The following MYH11 variants were observed in gnomAD, a reference collection of about 807,000 sequenced individuals.
MYH11 encodes the protein myosin heavy chain 11.
Under a neutral mutation model 246.6 loss-of-function variants are expected in MYH11, and 80 were observed. The ratio of observed to expected loss-of-function variants is 0.32; its 90% CI spans 0.27 to 0.39. MYH11 has a LOEUF of 0.39. Among genes scored for constraint, MYH11 ranks in the 10% least tolerant of loss-of-function variants. The pLI is 1.00. For missense variants in MYH11, 2,158 were observed against 2,546.8 expected (o/e 0.85, Z 3.29); for synonymous variants, 1,071 against 1,015.5 (o/e 1.05, Z -1.04).
At chr16:15,802,031 C>T (rs1439865151) in intron 3 of MYH11, among the ~76,000 whole-genome samples, 1 of 152,136 alleles carries the variant, frequency 6.6e-6, no homozygotes, top group Non-Finnish European at 1.5e-5. Context: ...AGGAGGAAGA[C>T]CTACTTTCAC....
At chr16:15,765,686 C>T (rs2041966505) in intron 9 of MYH11, among the ~76,000 whole-genome samples, 1 of 152,172 alleles carries the variant, frequency 6.6e-6, no homozygotes, top group Admixed American at 6.5e-5. Flanking sequence ...CATGGGGTCC[C>T]TGGCCCAGCT....
chr16:15,775,759 C>A, intron 8 of MYH11: 1 of 357,664 alleles, frequency 2.8e-6, no homozygotes, highest in Non-Finnish European at 5.1e-6. Context: ...GTCTTTCTCC[C>A]TTTCCTTGAA....
chr16:15,823,487 C>G, intron 2 of MYH11, 76 bp from the exon 3 acceptor site: 1 of 1,574,354 alleles, frequency 6.4e-7, no homozygotes, highest in Non-Finnish European at 8.7e-7. Context: ...TCAATATTCT[C>G]ATGTTAGAGA....
intron 3 of MYH11, among the ~76,000 whole-genome samples, chr16:15,808,352 G>C (rs1230393211): frequency 1.3e-5 from 2 of 152,152 alleles, no homozygotes; most frequent in Non-Finnish European, 2.9e-5. Flanking sequence ...TCATCCTCAC[G>C]GGACAAGTGA....
At position 15,715,159 on chromosome 16, in the gene MYH11, G is replaced by A; in HGVS notation, c.5613+5C>T. On this transcript the variant is annotated splice_donor_5th_base_variant and intron_variant, in intron 39 of 40. Coordinates refer to ENST00000300036, the MANE Select transcript of MYH11 (RefSeq NM_002474.3). ...GCTCGAGGGAGGCTGGGTGGCAGGG[G>A]CTACCTGCTCCTTGTACTGCTCGGC... The A allele has an allele frequency of 6.2e-7, 1 of 1,613,304 alleles. No individual in the cohort carries two copies. The highest frequency in any genetic ancestry group is 8.5e-7 in the Non-Finnish European group (1 of 1,179,980).
intron 37 of MYH11, 83 bp downstream of exon 37, chr16:15,718,232 G>T: frequency 1.3e-6 from 2 of 1,596,092 alleles, no homozygotes; most frequent in Non-Finnish European, 1.7e-6. Context: ...ACAGGAAGCC[G>T]CCACGCGTGT....
intron 37 of MYH11, 60 bp downstream of exon 37, chr16:15,718,255 A>G (rs773307402): frequency 8.7e-6 from 14 of 1,602,976 alleles, no homozygotes; most frequent in Middle Eastern, 3.4e-4. Context: ...TGACTGGTGC[A>G]GGATCCTGCT....
chr16:15,741,897 C>A lies in MYH11; in HGVS notation c.2521-6G>T. ...ACCTGCAGCAGTGGCTTCACCTGCA[C>A]ACACACGGTTAGCCCATCATTTGTT... is the stretch of plus-strand genomic sequence containing the variant. On this transcript the variant is annotated splice_region_variant and splice_polypyrimidine_tract_variant and intron_variant, in intron 20 of 40. Coordinates refer to ENST00000300036, the MANE Select transcript of MYH11 (RefSeq NM_002474.3). 1 of 1,614,198 alleles carries A rather than the reference C, an allele frequency of 6.2e-7. No individual in the cohort carries two copies. The highest frequency in any genetic ancestry group is 8.5e-7 in the Non-Finnish European group (1 of 1,180,032).
At chr16:15,848,730 G>T (rs1345856301) in intron 1 of MYH11, among the ~76,000 whole-genome samples, 1 of 152,188 alleles carries the variant, frequency 6.6e-6, no homozygotes, top group Non-Finnish European at 1.5e-5. Context: ...ACTGCTTCCA[G>T]TTGAGAACCA....
chr16:15,739,105 T>C (rs75590906), intron 23 of MYH11, among the ~76,000 whole-genome samples: 7 of 132,846 alleles, frequency 5.3e-5, no homozygotes, highest in African/African-American at 2.2e-4. Flanking sequence ...TGCTGTATTC[T>C]TTTTTTTTTT....
chr16:15,848,294 G>A (rs1427334853), intron 1 of MYH11, among the ~76,000 whole-genome samples: 3 of 139,372 alleles, frequency 2.2e-5, no homozygotes, highest in African/African-American at 8.0e-5. Context: ...GTGCAGTGAC[G>A]CAATCTCAGC....
At chr16:15,709,371 C>T (rs1193679933) in intron 40 of MYH11, among the ~76,000 whole-genome samples, 1 of 151,236 alleles carries the variant, frequency 6.6e-6, no homozygotes, top group Non-Finnish European at 1.5e-5. Flanking sequence ...AGTGCACTGG[C>T]ATGATCTATC....
intron 1 of MYH11, among the ~76,000 whole-genome samples, chr16:15,843,801 C>T (rs571094952): frequency 6.6e-6 from 1 of 152,178 alleles, no homozygotes; most frequent in East Asian, 1.9e-4. Flanking sequence ...GCTCACATTT[C>T]CTGGTGCATT....
chr16:15,825,528 G>A (rs984630092), intron 2 of MYH11, among the ~76,000 whole-genome samples: 1 of 152,030 alleles, frequency 6.6e-6, no homozygotes, highest in Non-Finnish European at 1.5e-5. Flanking sequence ...TTGCACTCTA[G>A]CCCCTGGGTG....
intron 19 of MYH11, among the ~76,000 whole-genome samples, chr16:15,745,571 TTTC>T (rs2041394668): frequency 7.0e-6 from 1 of 141,860 alleles, no homozygotes; most frequent in African/African-American, 2.7e-5. Flanking sequence ...CTGTTTCTTT[TTTC>T]TTTCTTTCTT....
chr16:15,765,597 G>C (rs569238761), intron 9 of MYH11, among the ~76,000 whole-genome samples: 7 of 152,284 alleles, frequency 4.6e-5, no homozygotes, highest in African/African-American at 1.7e-4. Flanking sequence ...CAGGAACAAA[G>C]CCTAGAGATC....
intron 40 of MYH11, 103 bp from the exon 41 acceptor site, chr16:15,704,226 A>T: frequency 2.1e-6 from 3 of 1,422,178 alleles, no homozygotes; most frequent in Non-Finnish European, 2.9e-6. Flanking sequence ...TCCTATTGCA[A>T]TATAAATTTT....
intron 1 of MYH11, among the ~76,000 whole-genome samples, chr16:15,851,673 C>T (rs1186995126): frequency 6.6e-6 from 1 of 152,094 alleles, no homozygotes; most frequent in Non-Finnish European, 1.5e-5. Context: ...TTCACTTTTA[C>T]AGGAAAAAAA....
At chr16:15,758,076 C>T (rs930681694) in intron 12 of MYH11, 76 bp from the exon 13 acceptor site, 32 of 1,604,386 alleles carry the variant, frequency 2.0e-5, no homozygotes, top group Non-Finnish European at 2.7e-5. Context: ...ACAGAAGCTC[C>T]ACCCGACAGC....
Sources: gnomAD v4.1 joint callset for allele counts (sites outside exome capture counted in the v4.1 genomes callset) on GRCh38, gnomAD v4.1.1 for gene constraint, MANE v1.5 for transcripts, NCBI Gene and HGNC (gene_info 2026-07-23, HGNC 2026-07-21) for gene names.